FMN1: variants seen among roughly 807,000 people sequenced by gnomAD.
FMN1 encodes the protein formin 1, also known as formin-1.
In FMN1, 110 loss-of-function variants were observed where a neutral mutation model predicts 132.4. The observed-to-expected ratio is 0.83, with a 90% CI of 0.71 to 0.97. The LOEUF is 0.97. Ranked by LOEUF, FMN1 falls within the 50% of genes least tolerant of loss-of-function variation. FMN1 has a pLI of 0.00. For missense variants in FMN1, 1,792 were observed against 1,705.3 expected, an observed-to-expected ratio of 1.05 and a Z score of -0.90; for synonymous variants, 722 against 651.7, an observed-to-expected ratio of 1.11 and a Z score of -1.64.
intron 7 of FMN1, chr15:32,970,818 A>AT (rs1487773273): frequency 6.6e-6 from 1 of 151,870 alleles, no homozygotes; most frequent in African/African-American, 2.4e-5. Context: ...ACTTTTAACT[A>AT]TTTTTTACTA....
chr15:32,876,191 G>T (rs975081509), intron 16 of FMN1, among the ~76,000 whole-genome samples: 1 of 152,156 alleles, frequency 6.6e-6, no homozygotes, highest in Non-Finnish European at 1.5e-5. Flanking sequence ...CACTTGTGTT[G>T]TTTCTAAACC....
At chr15:32,902,081 C>G in intron 12 of FMN1, 41 bp from the exon 13 acceptor site, 1 of 1,559,370 alleles carries the variant, frequency 6.4e-7, no homozygotes, top group Non-Finnish European at 8.7e-7. Flanking sequence ...CACATATAAT[C>G]ACAAGGAAAA....
intron 7 of FMN1, among the ~76,000 whole-genome samples, chr15:32,976,633 G>A (rs558090613): frequency 6.6e-6 from 1 of 152,306 alleles, no homozygotes; most frequent in African/African-American, 2.4e-5. Flanking sequence ...AAAAGGCCAT[G>A]TCAAGGACAC....
At chr15:32,827,957 A>G (rs1279755967) in intron 17 of FMN1, among the ~76,000 whole-genome samples, 1 of 152,064 alleles carries the variant, frequency 6.6e-6, no homozygotes, top group Non-Finnish European at 1.5e-5. Context: ...AAAGAAAAAC[A>G]TGGTTTATTC....
At chr15:32,821,406 G>C in intron 17 of FMN1, among the ~76,000 whole-genome samples, 1 of 147,924 alleles carries the variant, frequency 6.8e-6, no homozygotes, top group South Asian at 2.2e-4. Context: ...TTACTGGTTT[G>C]AACATGATAA....
At chr15:32,996,957 C>T (rs1334043872) in intron 7 of FMN1, among the ~76,000 whole-genome samples, 3 of 152,038 alleles carry the variant, frequency 2.0e-5, no homozygotes, top group Admixed American at 1.3e-4. Context: ...AGCTGAGCCC[C>T]GATGTTCAAA....
chr15:32,999,591 C>T (rs893272078), intron 7 of FMN1, among the ~76,000 whole-genome samples: 4 of 152,190 alleles, frequency 2.6e-5, no homozygotes, highest in African/African-American at 4.8e-5. Flanking sequence ...GAGCAGGGGG[C>T]CTGCCAGAGG....
intron 19 of FMN1, among the ~76,000 whole-genome samples, chr15:32,789,232 A>G (rs1027072627): frequency 1.1e-4 from 17 of 152,258 alleles, no homozygotes; most frequent in African/African-American, 3.9e-4. Flanking sequence ...GAAAGTGCCT[A>G]TAACCAAATG....
At chr15:33,101,825 T>C (rs2039304623) in intron 4 of FMN1, among the ~76,000 whole-genome samples, 1 of 152,124 alleles carries the variant, frequency 6.6e-6, no homozygotes, top group Non-Finnish European at 1.5e-5. Flanking sequence ...AGGGAGACCA[T>C]TTATGCTTGG....
chr15:33,169,740 CTTTTT>C (rs57083437), intron 3 of FMN1, among the ~76,000 whole-genome samples: 1 of 117,906 alleles, frequency 8.5e-6, no homozygotes, highest in African/African-American at 3.3e-5. Flanking sequence ...TTTTCTTTTC[CTTTTT>C]TTTTTTTTTT....
intron 17 of FMN1, among the ~76,000 whole-genome samples, chr15:32,820,262 A>T (rs1225180543): frequency 1.3e-5 from 2 of 152,184 alleles, no homozygotes; most frequent in Non-Finnish European, 2.9e-5. Context: ...TGAGTAACAG[A>T]GATTCATGAT....
At chr15:32,917,389 C>A (rs541895632) in intron 10 of FMN1, among the ~76,000 whole-genome samples, 1 of 152,280 alleles carries the variant, frequency 6.6e-6, no homozygotes, top group South Asian at 2.1e-4. Context: ...ATGCAAGTAT[C>A]CAAATGAGAC....
intron 6 of FMN1, chr15:33,013,029 T>C: frequency 7.2e-6 from 3 of 414,308 alleles, no homozygotes; most frequent in South Asian, 5.6e-5. Flanking sequence ...AAGGAGGCTA[T>C]AGGGGTAGCA....
At position 32,924,991 on chromosome 15, in the gene FMN1, T is replaced by C. The variant is rs545007379; in HGVS notation, c.3226+1183A>G. ...TAATTAGTGAGAAAGGGGAGTATTG[T>C]TTTCATGCGAGACACAGATTTTGAA... On this transcript the variant is annotated intron_variant, in intron 10 of 20. Transcript: ENST00000616417. Among the ~76,000 whole-genome samples, 44 of 152,308 alleles carry C rather than the reference T, an allele frequency of 2.9e-4. 1 individual carries two copies. The highest frequency in any genetic ancestry group is 1.0e-3 in the African/African-American group (42 of 41,566).
At chr15:33,162,450 C>T (rs1452419211) in intron 3 of FMN1, among the ~76,000 whole-genome samples, 1 of 151,512 alleles carries the variant, frequency 6.6e-6, no homozygotes, top group African/African-American at 2.4e-5. Flanking sequence ...GAGTCAACAT[C>T]ATGTTTGTAG....
intron 4 of FMN1, among the ~76,000 whole-genome samples, chr15:33,140,194 AC>A (rs962969926): frequency 2.5e-3 from 2 of 788 alleles, no homozygotes; most frequent in African/African-American, 3.7e-3. Flanking sequence ...CTATGGTTAA[AC>A]ACACACACAC....
Position 32,969,216 on chromosome 15 carries a change from C to G in FMN1, c.2485G>C (p.Val829Leu), listed in dbSNP as rs1386138087. 3.1e-6 allele frequency: 5 copies of G among 1,613,804 alleles called. No homozygotes were observed. In the East Asian group the frequency reaches 1.1e-4, roughly 36 times the overall value. Residue 829 changes from valine to leucine, a missense_variant, in exon 8 of 21, where the codon GTA becomes CTA. Physicochemically the swap from Val to Leu is conservative, Grantham distance 32. Around this residue, in one of 3 missense-constraint regions of FMN1, gnomAD observed 1,150 missense variants for 1,043.1 expected, o/e 1.10. Transcript: ENST00000616417. The stretch of plus-strand genomic sequence containing the variant: ...GAGGAGATATTCAGCTTTTTGGGTA[C>G]TAATTGATTACTTCTGGTTGTCTTG... ...ESKTTRSNQL[V>L]PKKLNISSLS... is the part of the protein sequence containing the mutation.
At chr15:33,118,081 C>A (rs531567734) in intron 4 of FMN1, among the ~76,000 whole-genome samples, 1 of 152,284 alleles carries the variant, frequency 6.6e-6, no homozygotes, top group East Asian at 1.9e-4. Flanking sequence ...AAGAAGAAAT[C>A]ACATGAATTC....
chr15:32,807,849 T>G (rs191501198), intron 17 of FMN1, among the ~76,000 whole-genome samples: 1 of 152,334 alleles, frequency 6.6e-6, no homozygotes, highest in Non-Finnish European at 1.5e-5. Flanking sequence ...TCCCTAATTT[T>G]GCCCTTGTAC....
Sources: allele counts gnomAD v4.1 joint callset (sites outside exome capture counted in the v4.1 genomes callset), GRCh38; gene constraint gnomAD v4.1.1; regional missense constraint gnomAD v4.1.1; transcripts MANE v1.5; gene names NCBI Gene and HGNC (gene_info 2026-07-23, HGNC 2026-07-21).